The following MAP3K7CL variants were observed in gnomAD, a reference collection of about 807,000 sequenced individuals.
MAP3K7CL encodes the protein MAP3K7 C-terminal like, also known as MAP3K7 C-terminal-like protein.
In MAP3K7CL, 16 loss-of-function variants were observed where a neutral mutation model predicts 18.6. That is an observed-to-expected ratio of 0.86 (90% confidence interval 0.58 to 1.31). The LOEUF is 1.31. MAP3K7CL is among the 50% of genes most tolerant of loss of function. The probability of loss-of-function intolerance (pLI) is 0.00; values close to 1 mark genes in which losing one functional copy is unlikely to be tolerated. For synonymous variants in MAP3K7CL, 65 were observed against 66.8 expected, an observed-to-expected ratio of 0.97 and a Z score of 0.13; for missense variants, 163 against 174.4, an observed-to-expected ratio of 0.93 and a Z score of 0.37.
chr21:29,130,688 T>C lies in MAP3K7CL; in HGVS notation c.-275T>C, dbSNP rs1245429921. On this transcript the variant is annotated 5_prime_UTR_variant, in exon 1 of 5. Coordinates refer to ENST00000399928, the MANE Select transcript of MAP3K7CL (RefSeq NM_001286620.2). Reference sequence around the variant, plus strand: ...GAGAGGCAAGGAAAGGAGAGAGGGGTTGTGAAGGGAAGCGGAAGGGAAGGG... The same window carrying C: ...GAGAGGCAAGGAAAGGAGAGAGGGGCTGTGAAGGGAAGCGGAAGGGAAGGG... 1 of 984,840 alleles carries C rather than the reference T, an allele frequency of 1.0e-6. No individual in the cohort carries two copies. 61.0% of individuals were successfully genotyped at this position (984,840 alleles called of 1,614,324 possible).
chr21:29,078,762 C>T (rs2085789453), intron 1 of MAP3K7CL, among the ~76,000 whole-genome samples: 1 of 152,118 alleles, frequency 6.6e-6, no homozygotes, highest in Non-Finnish European at 1.5e-5. Flanking sequence ...CACTCTTCTG[C>T]CTTTTATCTA....
chr21:29,147,449 A>G (rs925663357), intron 2 of MAP3K7CL, among the ~76,000 whole-genome samples: 22 of 151,794 alleles, frequency 1.4e-4, no homozygotes, highest in Admixed American at 1.4e-3. Flanking sequence ...TCTGTATTGT[A>G]TCTGTATGTG....
At chr21:29,146,072 T>A (rs867143055) in intron 2 of MAP3K7CL, among the ~76,000 whole-genome samples, 3 of 152,050 alleles carry the variant, frequency 2.0e-5, no homozygotes, top group Non-Finnish European at 2.9e-5. Flanking sequence ...TTTTTTTTTT[T>A]AATAATTAAG....
chr21:29,115,001 A>G (rs534975906), intron 4 of MAP3K7CL, among the ~76,000 whole-genome samples: 1 of 152,294 alleles, frequency 6.6e-6, no homozygotes, highest in South Asian at 2.1e-4. Flanking sequence ...TTTCTTTAGT[A>G]TTTGATCCTC....
At chr21:29,165,693 C>T (rs981337277) in intron 4 of MAP3K7CL, among the ~76,000 whole-genome samples, 1 of 152,136 alleles carries the variant, frequency 6.6e-6, no homozygotes, top group Non-Finnish European at 1.5e-5. Flanking sequence ...TACCTCAGCT[C>T]CCCGAGTAGC....
chr21:29,132,126 T>C (rs1040169414), intron 1 of MAP3K7CL, among the ~76,000 whole-genome samples: 19 of 152,342 alleles, frequency 1.2e-4, no homozygotes, highest in African/African-American at 4.6e-4. Context: ...GTTAAATATA[T>C]GTTTTTAAAT....
upstream of MAP3K7CL, among the ~76,000 whole-genome samples, chr21:29,081,961 G>A (rs927749118): frequency 1.3e-5 from 2 of 152,318 alleles, no homozygotes; most frequent in Non-Finnish European, 2.9e-5. Context: ...ATTGAACCCA[G>A]TCCTGATTCT....
rs142021816 is a variant in MAP3K7CL, at chr21:29,087,706, G to A, written c.57+1789G>A. Among the ~76,000 whole-genome samples, 881 of 146,502 alleles carry A rather than the reference G, an allele frequency of 6.0e-3. 14 individuals carry two copies. The highest frequency in any genetic ancestry group is 0.021 in the African/African-American group (820 of 39,650). On this transcript the variant is annotated intron_variant, in intron 1 of 6. Transcript: ENST00000286791. Reference sequence around the variant, plus strand: ...CCTCCGGGGTTCAAACGATTCTCTTGCCTCAGCCTCCTGAGTAGCTGGGAC... The same window carrying A: ...CCTCCGGGGTTCAAACGATTCTCTTACCTCAGCCTCCTGAGTAGCTGGGAC...
upstream of MAP3K7CL, among the ~76,000 whole-genome samples, chr21:29,125,838 T>C (rs1403747650): frequency 1.3e-5 from 2 of 152,156 alleles, no homozygotes; most frequent in East Asian, 1.9e-4. Flanking sequence ...CAAAGAGCAA[T>C]GGCACAAGAC....
intron 4 of MAP3K7CL, among the ~76,000 whole-genome samples, chr21:29,168,492 T>C (rs1436778955): frequency 6.6e-6 from 1 of 152,236 alleles, no homozygotes; most frequent in African/African-American, 2.4e-5. Flanking sequence ...TCTTTCATTT[T>C]AGTACTTAGG....
upstream of MAP3K7CL, among the ~76,000 whole-genome samples, chr21:29,082,692 G>A (rs2085855781): frequency 6.6e-6 from 1 of 152,200 alleles, no homozygotes; most frequent in East Asian, 1.9e-4. Flanking sequence ...TGGCAGGGCA[G>A]TATCAAAGGC....
At chr21:29,092,424 T>C in intron 3 of MAP3K7CL, 1 of 1,613,854 alleles carries the variant, frequency 6.2e-7, no homozygotes, top group South Asian at 1.1e-5. Flanking sequence ...TGATTTGGCC[T>C]TGATCTTTAT....
chr21:29,096,958 G>A (rs1298986361), intron 4 of MAP3K7CL, among the ~76,000 whole-genome samples: 2 of 152,182 alleles, frequency 1.3e-5, no homozygotes, highest in African/African-American at 4.8e-5. Context: ...AAAGAAAAAG[G>A]AGGTCACCTT....
chr21:29,150,348 G>T (rs945270757), intron 3 of MAP3K7CL, among the ~76,000 whole-genome samples: 1 of 152,202 alleles, frequency 6.6e-6, no homozygotes, highest in Non-Finnish European at 1.5e-5. Flanking sequence ...TGAAGAGCTG[G>T]TGTTCTACTG....
At chr21:29,151,145 A>G (rs1012705473) in intron 3 of MAP3K7CL, among the ~76,000 whole-genome samples, 1 of 151,210 alleles carries the variant, frequency 6.6e-6, no homozygotes, top group East Asian at 2.0e-4. Flanking sequence ...GAGGCTGTCT[A>G]TGTGCTGCTG....
At chr21:29,147,764 G>A (rs8129616) in intron 2 of MAP3K7CL, among the ~76,000 whole-genome samples, 105,595 of 151,434 alleles carry the variant, frequency 0.7, 37,804 homozygotes, top group African/African-American at 0.85. Flanking sequence ...TGCTGTATCT[G>A]TATGTGTACT....
At chr21:29,099,540 T>C (rs1029848521) in intron 4 of MAP3K7CL, among the ~76,000 whole-genome samples, 10 of 152,166 alleles carry the variant, frequency 6.6e-5, no homozygotes, top group Non-Finnish European at 1.2e-4. Flanking sequence ...ATGGTTATCA[T>C]GGTTGTTATT....
chr21:29,128,169 G>A (rs2086711824), upstream of MAP3K7CL: 1 of 152,212 alleles, frequency 6.6e-6, no homozygotes, highest in Non-Finnish European at 1.5e-5. Context: ...GATTTTCTTG[G>A]GGTGGAACTT....
intron 4 of MAP3K7CL, among the ~76,000 whole-genome samples, chr21:29,123,455 T>A (rs1462446780): frequency 3.3e-5 from 5 of 152,134 alleles, no homozygotes; most frequent in Admixed American, 3.3e-4. Context: ...CTAGATCCAA[T>A]GGCTAATTTA....
Sources: gnomAD v4.1 joint callset for allele counts (sites outside exome capture counted in the v4.1 genomes callset) on GRCh38, gnomAD v4.1.1 for gene constraint, MANE v1.5 for transcripts, NCBI Gene and HGNC (gene_info 2026-07-23, HGNC 2026-07-21) for gene names.